KCNH7: variants seen among roughly 807,000 people sequenced by gnomAD.
KCNH7 encodes potassium voltage-gated channel subfamily H member 7.
Under a neutral mutation model 120.8 loss-of-function variants are expected in KCNH7, and 49 were observed. That is an observed-to-expected ratio of 0.41 (90% CI 0.32 to 0.51). The LOEUF is 0.51. KCNH7 is among the 20% of genes least tolerant of loss of function. The pLI is 0.38. For missense variants in KCNH7, 1,097 were observed against 1,446.6 expected, an observed-to-expected ratio of 0.76 and a Z score of 3.92; for synonymous variants, 547 against 516.1, an observed-to-expected ratio of 1.06 and a Z score of -0.81.
intron 2 of KCNH7, among the ~76,000 whole-genome samples, chr2:162,540,320 T>C (rs999298672): frequency 6.6e-6 from 1 of 152,092 alleles, no homozygotes; most frequent in African/African-American, 2.4e-5. Flanking sequence ...AGTGAAAACA[T>C]TTCCAAAGTG....
intron 2 of KCNH7, among the ~76,000 whole-genome samples, chr2:162,645,990 TG>T (rs1253402131): frequency 5.9e-5 from 9 of 152,222 alleles, no homozygotes; most frequent in African/African-American, 1.4e-4. Context: ...CATAAATGAG[TG>T]GTTTCCAAAC....
chr2:162,764,388 A>G (rs1300442559), intron 2 of KCNH7, among the ~76,000 whole-genome samples: 2 of 152,160 alleles, frequency 1.3e-5, no homozygotes, highest in African/African-American at 4.8e-5. Flanking sequence ...CCTTCTCTCC[A>G]TGTAGCCTCC....
chr2:162,461,259 G>A (rs1325815858), intron 6 of KCNH7, among the ~76,000 whole-genome samples: 2 of 152,128 alleles, frequency 1.3e-5, no homozygotes, highest in Non-Finnish European at 2.9e-5. Context: ...TATATTACAG[G>A]CTCTGGGCCT....
intron 5 of KCNH7, among the ~76,000 whole-genome samples, chr2:162,509,638 T>C (rs1336003024): frequency 6.6e-6 from 1 of 151,634 alleles, no homozygotes; most frequent in Middle Eastern, 3.2e-3. Context: ...GTGCATGACA[T>C]ATTATTTGCA....
At chr2:162,633,907 A>G (rs891026849) in intron 2 of KCNH7, among the ~76,000 whole-genome samples, 1 of 152,002 alleles carries the variant, frequency 6.6e-6, no homozygotes, top group African/African-American at 2.4e-5. Flanking sequence ...TTCATCCAGG[A>G]CTAAGGCATG....
At chr2:162,603,888 G>A (rs557740123) in intron 2 of KCNH7, among the ~76,000 whole-genome samples, 67 of 152,072 alleles carry the variant, frequency 4.4e-4, no homozygotes, top group African/African-American at 1.4e-3. Flanking sequence ...TAAAATATTT[G>A]CAGTATTGTT....
At chr2:162,774,231 CTTATT>C (rs1465608278) in intron 2 of KCNH7, among the ~76,000 whole-genome samples, 1 of 151,966 alleles carries the variant, frequency 6.6e-6, no homozygotes, top group Non-Finnish European at 1.5e-5. Flanking sequence ...TCACTTTAAG[CTTATT>C]TTAAACTTGA....
chr2:162,564,122 A>G (rs1185779736), intron 2 of KCNH7, among the ~76,000 whole-genome samples: 2 of 151,972 alleles, frequency 1.3e-5, no homozygotes, highest in East Asian at 3.9e-4. Flanking sequence ...ACTTCTTACC[A>G]CATATAATTA....
chr2:162,605,565 C>A, intron 2 of KCNH7, among the ~76,000 whole-genome samples: 1 of 152,040 alleles, frequency 6.6e-6, no homozygotes, highest in East Asian at 1.9e-4. Flanking sequence ...ATACTGAATG[C>A]ATTTTTATTT....
At chr2:162,417,996 A>G (rs747585742) in intron 9 of KCNH7, among the ~76,000 whole-genome samples, 1 of 152,152 alleles carries the variant, frequency 6.6e-6, no homozygotes, top group Non-Finnish European at 1.5e-5. Flanking sequence ...GGGGCTGGCT[A>G]CAGTAGGTGA....
chr2:162,712,135 G>T (rs1686950883), intron 2 of KCNH7, among the ~76,000 whole-genome samples: 1 of 152,120 alleles, frequency 6.6e-6, no homozygotes. Flanking sequence ...ATGTAGCATG[G>T]TTTTTCCTCT....
intron 2 of KCNH7, among the ~76,000 whole-genome samples, chr2:162,613,498 T>C (rs1364354978): frequency 1.3e-5 from 2 of 152,056 alleles, no homozygotes; most frequent in Non-Finnish European, 1.5e-5. Context: ...CCGAAGCCTG[T>C]TGTTGCAGCC....
intron 2 of KCNH7, among the ~76,000 whole-genome samples, chr2:162,814,332 T>A (rs1343315478): frequency 6.6e-6 from 1 of 152,180 alleles, no homozygotes; most frequent in Non-Finnish European, 1.5e-5. Flanking sequence ...CATTTCATCT[T>A]TAGATAATAT....
At chr2:162,527,288 C>A (rs1407426800) in intron 3 of KCNH7, among the ~76,000 whole-genome samples, 1 of 151,900 alleles carries the variant, frequency 6.6e-6, no homozygotes, top group African/African-American at 2.4e-5. Flanking sequence ...CAGTATAAAA[C>A]CTTTAACTAA....
chr2:162,525,097 C>T (rs959647693), intron 3 of KCNH7, among the ~76,000 whole-genome samples: 1 of 151,856 alleles, frequency 6.6e-6, no homozygotes, highest in Non-Finnish European at 1.5e-5. Flanking sequence ...ATATGAGGTT[C>T]TTTAAAGGAG....
intron 10 of KCNH7, among the ~76,000 whole-genome samples, chr2:162,398,926 A>T (rs1474086274): frequency 1.3e-5 from 2 of 151,916 alleles, no homozygotes; most frequent in Non-Finnish European, 2.9e-5. Context: ...AAAAACTAAT[A>T]TAATAAAATT....
At chr2:162,581,738 G>C (rs1026699778) in intron 2 of KCNH7, among the ~76,000 whole-genome samples, 3 of 151,928 alleles carry the variant, frequency 2.0e-5, no homozygotes, top group African/African-American at 7.2e-5. Flanking sequence ...CACTTATTGG[G>C]AAAAATGTGA....
intron 2 of KCNH7, among the ~76,000 whole-genome samples, chr2:162,827,615 A>T (rs1221453746): frequency 6.6e-6 from 1 of 152,172 alleles, no homozygotes; most frequent in Non-Finnish European, 1.5e-5. Context: ...AGTTAACCAG[A>T]TTTAAACCTT....
intron 2 of KCNH7, among the ~76,000 whole-genome samples, chr2:162,778,435 T>C (rs762933028): frequency 5.3e-5 from 8 of 152,172 alleles, no homozygotes; most frequent in Non-Finnish European, 8.8e-5. Context: ...TGTCAAGTAA[T>C]GCAATCTATA....
Sources: gnomAD v4.1 joint callset for allele counts (sites outside exome capture counted in the v4.1 genomes callset) on GRCh38, gnomAD v4.1.1 for gene constraint, MANE v1.5 for transcripts, NCBI Gene and HGNC (gene_info 2026-07-23, HGNC 2026-07-21) for gene names.